Variants in CSMD1 observed in about 807,000 individuals in gnomAD.
CSMD1 encodes CUB and Sushi multiple domains 1, also known as CUB and sushi domain-containing protein 1.
In CSMD1, 213 loss-of-function variants were observed where a neutral mutation model predicts 417.5. The ratio of observed to expected loss-of-function variants is 0.51; its 90% confidence interval spans 0.46 to 0.57. The LOEUF is 0.57. CSMD1 is among the 20% of genes least tolerant of loss of function. The pLI, the probability that CSMD1 is intolerant of heterozygous loss-of-function variation, is 0.00. For missense variants in CSMD1, 6,923 were observed against 4,529.7 expected, an observed-to-expected ratio of 1.53 and a Z score of -15.17; for synonymous variants, 2,862 against 1,736.8, an observed-to-expected ratio of 1.65 and a Z score of -16.11.
chr8:4,835,693 G>A (rs978888841), intron 1 of CSMD1, among the ~76,000 whole-genome samples: 2 of 152,090 alleles, frequency 1.3e-5, no homozygotes, highest in Non-Finnish European at 2.9e-5. Flanking sequence ...TTGCCACAAT[G>A]ATTGTGGTCA....
At chr8:3,351,004 A>T (rs1808383884) in intron 21 of CSMD1, among the ~76,000 whole-genome samples, 1 of 152,232 alleles carries the variant, frequency 6.6e-6, no homozygotes, top group African/African-American at 2.4e-5. Flanking sequence ...AGAAAAAATC[A>T]AGGCAAAAGC....
intron 1 of CSMD1, among the ~76,000 whole-genome samples, chr8:4,651,541 G>C (rs2064864686): frequency 1.3e-5 from 2 of 152,144 alleles, no homozygotes; most frequent in Admixed American, 6.5e-5. Flanking sequence ...TCTAATCAGA[G>C]TCATAATTTA....
intron 5 of CSMD1, among the ~76,000 whole-genome samples, chr8:3,777,722 C>T (rs1421669722): frequency 1.3e-5 from 2 of 152,168 alleles, no homozygotes; most frequent in African/African-American, 4.8e-5. Context: ...TGCAGAGTCT[C>T]AGGCCACACT....
intron 1 of CSMD1, among the ~76,000 whole-genome samples, chr8:4,938,837 A>C (rs1215362417): frequency 6.6e-6 from 1 of 152,170 alleles, no homozygotes; most frequent in Non-Finnish European, 1.5e-5. Context: ...ACATTATTGA[A>C]ACAGGTGTAA....
rs1799565965 is a variant in CSMD1, at chr8:3,679,924, C to T, written c.1009+28490G>A. Among the ~76,000 whole-genome samples the T allele has an allele frequency of 4.6e-5, 7 of 152,128 alleles. No individual in the cohort carries two copies. The South Asian group carries it at 1.5e-3, about 32-fold the overall frequency. ...CTACTTGGAAACTGAACAACTTGCT[C>T]CTGAATGACTACTGGGTACATAACG... is the stretch of plus-strand genomic sequence containing the variant. On this transcript the variant is annotated intron_variant, in intron 7 of 69. Coordinates refer to ENST00000635120, the MANE Select transcript of CSMD1 (RefSeq NM_033225.6).
At chr8:3,425,517 G>C (rs1585146233) in intron 12 of CSMD1, among the ~76,000 whole-genome samples, 1 of 151,454 alleles carries the variant, frequency 6.6e-6, no homozygotes, top group Non-Finnish European at 1.5e-5. Context: ...GAACCCAGGA[G>C]GTGGAGGTTG....
At chr8:3,845,649 C>T (rs1266752453) in intron 5 of CSMD1, among the ~76,000 whole-genome samples, 3 of 152,074 alleles carry the variant, frequency 2.0e-5, no homozygotes, top group African/African-American at 2.4e-5. Context: ...TTCATTTAAA[C>T]ATTTTTTTGT....
At chr8:4,949,568 T>C (rs547947877) in intron 1 of CSMD1, among the ~76,000 whole-genome samples, 1 of 152,302 alleles carries the variant, frequency 6.6e-6, no homozygotes, top group East Asian at 1.9e-4. Flanking sequence ...ACATCTGGTA[T>C]CCAGTGATGC....
intron 51 of CSMD1, among the ~76,000 whole-genome samples, chr8:3,026,339 G>A (rs1004690674): frequency 2.6e-5 from 4 of 151,734 alleles, no homozygotes; most frequent in African/African-American, 9.7e-5. Context: ...ACTGGACCTC[G>A]CTGGATCCCA....
intron 3 of CSMD1, among the ~76,000 whole-genome samples, chr8:4,038,250 A>G (rs1797716623): frequency 6.6e-6 from 1 of 152,186 alleles, no homozygotes; most frequent in Non-Finnish European, 1.5e-5. Flanking sequence ...ATGTGAATAA[A>G]TAGAAATAAT....
chr8:3,756,323 A>G (rs1265976972), intron 5 of CSMD1, among the ~76,000 whole-genome samples: 1 of 149,426 alleles, frequency 6.7e-6, no homozygotes, highest in Non-Finnish European at 1.5e-5. Context: ...ACTGCACTCC[A>G]CCCTGGGCAA....
chr8:4,340,075 CG>C (rs1381235930), intron 3 of CSMD1, among the ~76,000 whole-genome samples: 12 of 152,142 alleles, frequency 7.9e-5, no homozygotes, highest in Non-Finnish European at 1.3e-4. Flanking sequence ...ACTCTGGTAA[CG>C]TAAGTATTAG....
At chr8:4,049,418 C>T (rs768752387) in intron 3 of CSMD1, among the ~76,000 whole-genome samples, 2 of 151,480 alleles carry the variant, frequency 1.3e-5, no homozygotes, top group African/African-American at 4.9e-5. Context: ...AGAAAAATTA[C>T]CCCCAGCTCA....
chr8:4,055,950 A>G (rs1465881117), intron 3 of CSMD1, among the ~76,000 whole-genome samples: 1 of 152,184 alleles, frequency 6.6e-6, no homozygotes, highest in African/African-American at 2.4e-5. Context: ...TACACTTAAA[A>G]TGAAACACAC....
At chr8:4,943,479 G>C (rs553884276) in intron 1 of CSMD1, among the ~76,000 whole-genome samples, 22 of 146,954 alleles carry the variant, frequency 1.5e-4, no homozygotes, top group African/African-American at 5.5e-4. Context: ...TTGGGGGACA[G>C]AGTGAGACAC....
chr8:4,627,525 A>C (rs80202368), intron 2 of CSMD1, among the ~76,000 whole-genome samples: 1 of 152,270 alleles, frequency 6.6e-6, no homozygotes, highest in Non-Finnish European at 1.5e-5. Flanking sequence ...TAAAATAACT[A>C]TTTCATTTCC....
chr8:4,260,913 T>A (rs1803835068), intron 3 of CSMD1, among the ~76,000 whole-genome samples: 1 of 152,188 alleles, frequency 6.6e-6, no homozygotes, highest in South Asian at 2.1e-4. Flanking sequence ...ACACCACGGT[T>A]ATTTTAGTTA....
chr8:4,787,449 G>GA (rs1563383449), intron 1 of CSMD1: 6 of 775,324 alleles, frequency 7.7e-6, no homozygotes. Flanking sequence ...AATGTAGCTA[G>GA]AAAGAATCAC....
chr8:3,965,821 G>A (rs977714579), intron 5 of CSMD1, among the ~76,000 whole-genome samples: 12 of 152,018 alleles, frequency 7.9e-5, no homozygotes, highest in African/African-American at 2.9e-4. Flanking sequence ...GTTTCACCAT[G>A]TTGGCCAGGC....
Sources: allele counts gnomAD v4.1 joint callset (sites outside exome capture counted in the v4.1 genomes callset), GRCh38; gene constraint gnomAD v4.1.1; transcripts MANE v1.5; gene names NCBI Gene and HGNC (gene_info 2026-07-23, HGNC 2026-07-21).